Variants in GSDME observed in about 807,000 individuals in gnomAD.
GSDME encodes the protein gasdermin-E.
Under a neutral mutation model 47.5 loss-of-function variants are expected in GSDME, and 44 were observed. The ratio of observed to expected loss-of-function variants is 0.93; its 90% CI spans 0.73 to 1.19. The LOEUF is 1.19. Among genes scored for constraint, GSDME ranks in the 50% most tolerant of loss-of-function variants. GSDME has a pLI of 0.00. For synonymous variants in GSDME, 258 were observed against 252.8 expected (o/e 1.02, Z -0.20); for missense variants, 663 against 604.2 (o/e 1.10, Z -1.02).
At position 24,728,563 on chromosome 7, in the gene GSDME, C is replaced by A. The variant is rs1446549269; in HGVS notation, c.405-9345G>T. 6.6e-6 allele frequency among the ~76,000 whole-genome samples: 1 copy of A among 152,194 alleles called. No individual in the cohort carries two copies. Among genetic ancestry groups the A allele is most frequent in the Non-Finnish European group, 1.5e-5 (1 of 68,024 alleles). ...GCTCTGCGCCCATCTGCCTCTCCCT[C>A]CTGAACCTTCCTGGGCCCTGCATAC... On this transcript the variant is annotated intron_variant, in intron 3 of 9. Transcript: ENST00000645220. This position sits in a 1 kb window ranked among gnomAD's most constrained non-coding sequence, Gnocchi z 7.2.
chr7:24,724,486 G>A lies in GSDME; in HGVS notation c.405-5268C>T, dbSNP rs1162679055. On this transcript the variant is annotated intron_variant, in intron 3 of 9. Transcript: ENST00000645220. This position sits in a 1 kb window ranked among gnomAD's most constrained non-coding sequence, Gnocchi z 4.8. ...GCTCCTTGTTCTTCCTGGCGGGGGC[G>A]GCAACGTGAAAGCAAGAACAGGAGG... 6.6e-6 allele frequency among the ~76,000 whole-genome samples: 1 copy of A among 152,106 alleles called. No individual in the cohort carries two copies. Among genetic ancestry groups the A allele is most frequent in the Non-Finnish European group, 1.5e-5 (1 of 67,998 alleles).
chr7:24,702,914 TTA>T, intron 8 of GSDME, 81 bp from the exon 9 acceptor site: 1 of 1,255,876 alleles, frequency 8.0e-7, no homozygotes, highest in Non-Finnish European at 1.1e-6. Flanking sequence ...GGCACCTAAC[TTA>T]TATTTTAGTA....
chr7:24,735,210 A>G lies in GSDME; in HGVS notation c.404+9352T>C, dbSNP rs1790266216. ...TATATTCAGCAAAACTATCCTTCAA[A>G]CATGAAGGAGAAACATAGACTTTCT... On this transcript the variant is annotated intron_variant, in intron 3 of 9. Transcript: ENST00000645220. This position sits in a 1 kb window ranked among gnomAD's most constrained non-coding sequence, Gnocchi z 4.4. Among the ~76,000 whole-genome samples the G allele has an allele frequency of 6.6e-6, 1 of 152,236 alleles. No individual in the cohort carries two copies. The highest frequency in any genetic ancestry group is 1.5e-5 in the Non-Finnish European group (1 of 68,030).
chr7:24,721,073 G>C lies in GSDME; in HGVS notation c.405-1855C>G, dbSNP rs1205332038. ...ATTCATAATGACAGAAAGCAGATTG[G>C]AGGTTACCGGGGCTGCAGGGCTTCG... is the stretch of plus-strand genomic sequence containing the variant. On this transcript the variant is annotated intron_variant, in intron 3 of 9. Transcript: ENST00000645220. The surrounding 1 kb of genome is among the most constrained non-coding windows in gnomAD (Gnocchi z 4.1). Among the ~76,000 whole-genome samples the C allele has an allele frequency of 6.6e-6, 1 of 152,040 alleles. No homozygotes were observed. The highest frequency in any genetic ancestry group is 2.4e-5 in the African/African-American group (1 of 41,282).
At position 24,708,183 on chromosome 7, in the gene GSDME, C is replaced by T. The variant is rs148716975; in HGVS notation, c.934G>A (p.Asp312Asn). Reference protein sequence around the residue: ...LPEPQQTALSDIFQAVLFDDE... With the variant: ...LPEPQQTALSNIFQAVLFDDE... Reference sequence around the variant, plus strand: ...TCAAATAGGACCGCCTGGAAGATGTCACTCAAAGCTGTCTGTTGTGGCTCA... The same window carrying T: ...TCAAATAGGACCGCCTGGAAGATGTTACTCAAAGCTGTCTGTTGTGGCTCA... The change falls in exon 7 of 10, where the codon GAC becomes AAC. Residue 312 changes from aspartate (D) to asparagine (N), a missense_variant. Transcript: ENST00000645220. 1.1e-4 allele frequency: 185 copies of T among 1,614,028 alleles called. 1 individual carries two copies. Among genetic ancestry groups the T allele is most frequent in the Non-Finnish European group, 2.6e-5 (31 of 1,180,018 alleles).
At position 24,742,160 on chromosome 7, in the gene GSDME, G is replaced by C. The variant is rs1790512871; in HGVS notation, c.404+2402C>G. Among the ~76,000 whole-genome samples the C allele has an allele frequency of 6.6e-6, 1 of 152,126 alleles. No individual in the cohort carries two copies. Among genetic ancestry groups the C allele is most frequent in the Non-Finnish European group, 1.5e-5 (1 of 68,042 alleles). ...CTGCTCAGGATAGTTTCTATTCCAT[G>C]ATTCACCCACCAAGTATCCTCCCTA... is the stretch of plus-strand genomic sequence containing the variant. On this transcript the variant is annotated intron_variant, in intron 3 of 9. Transcript: ENST00000645220. The surrounding 1 kb of genome is among the most constrained non-coding windows in gnomAD (Gnocchi z 4.4).
chr7:24,763,003 G>A, the GSDME span, among the ~76,000 whole-genome samples: 6 of 152,118 alleles, frequency 3.9e-5, no homozygotes, highest in Non-Finnish European at 7.4e-5. This position sits in a 1 kb window ranked among gnomAD's most constrained non-coding sequence, Gnocchi z 4.3. Flanking sequence ...ATTTTTATGG[G>A]AGCGGCACTT....
rs146197383 is a variant in GSDME, at chr7:24,736,411, A to G, written c.404+8151T>C. On this transcript the variant is annotated intron_variant, in intron 3 of 9. Transcript: ENST00000645220. This position sits in a 1 kb window ranked among gnomAD's most constrained non-coding sequence, Gnocchi z 4.6. ...CAAAATCGATTTCAAGACAAAAACT[A>G]TAAGAAGAGACAAAGAAGGTTACTA... Among the ~76,000 whole-genome samples, 15,902 of 152,296 alleles carry G rather than the reference A, an allele frequency of 0.1. 892 individuals are homozygous for G. Among genetic ancestry groups the G allele is most frequent in the Admixed American group, 0.12 (1,886 of 15,296 alleles).
intron 9 of GSDME, among the ~76,000 whole-genome samples, chr7:24,700,758 G>A (rs1788832167): frequency 6.6e-6 from 1 of 152,184 alleles, no homozygotes; most frequent in South Asian, 2.1e-4. Flanking sequence ...GAGTAGATTA[G>A]ACCTGCTCTT....
At chr7:24,751,115 G>A (rs1228839003) in intron 1 of GSDME, among the ~76,000 whole-genome samples, 1 of 152,148 alleles carries the variant, frequency 6.6e-6, no homozygotes, top group Non-Finnish European at 1.5e-5. Flanking sequence ...TAATATTTAT[G>A]AGAGGGAACA....
chr7:24,769,818 A>T, the GSDME span, among the ~76,000 whole-genome samples: 1 of 152,360 alleles, frequency 6.6e-6, no homozygotes, highest in Middle Eastern at 3.4e-3. Flanking sequence ...AGACACAGAT[A>T]TGGCAGGGAT....
chr7:24,735,699 G>A lies in GSDME; in HGVS notation c.404+8863C>T, dbSNP rs138731899. 0.1 allele frequency among the ~76,000 whole-genome samples: 15,324 copies of A among 151,710 alleles called. 841 individuals are homozygous for A. The highest frequency in any genetic ancestry group is 0.12 in the Admixed American group (1,839 of 15,242). On this transcript the variant is annotated intron_variant, in intron 3 of 9. Coordinates refer to ENST00000645220, the MANE Select transcript of GSDME (RefSeq NM_001127453.2). The surrounding 1 kb of genome is among the most constrained non-coding windows in gnomAD (Gnocchi z 4.4). The stretch of plus-strand genomic sequence containing the variant: ...CTGGAACCTGGGAGGTAGAGGTTGC[G>A]ATGAGCCGAGATTGCACCACTGCAC...
chr7:24,787,714 T>C, the GSDME span, among the ~76,000 whole-genome samples: 2 of 152,104 alleles, frequency 1.3e-5, no homozygotes, highest in South Asian at 2.1e-4. This position sits in a 1 kb window ranked among gnomAD's most constrained non-coding sequence, Gnocchi z 5.0. Flanking sequence ...TTTTTATTTA[T>C]TTATGTTTTT....
Position 24,721,641 on chromosome 7 carries a change from C to A in GSDME, c.405-2423G>T, listed in dbSNP as rs894500040. Among the ~76,000 whole-genome samples, 2 of 152,222 alleles carry A rather than the reference C, an allele frequency of 1.3e-5. No individual in the cohort carries two copies. Among genetic ancestry groups the A allele is most frequent in the South Asian group, 2.1e-4 (1 of 4,836 alleles). The stretch of plus-strand genomic sequence containing the variant: ...ATGCCACACAAACACTAGCTGGCTC[C>A]GCCCACCTTCCCGTGTCCCTCTATG... On this transcript the variant is annotated intron_variant, in intron 3 of 9. Transcript: ENST00000645220. This position sits in a 1 kb window ranked among gnomAD's most constrained non-coding sequence, Gnocchi z 4.1.
chr7:24,712,722 C>T lies in GSDME; in HGVS notation c.698-2334G>A, dbSNP rs981744383. Among the ~76,000 whole-genome samples, 1 of 152,118 alleles carries T rather than the reference C, an allele frequency of 6.6e-6. No individual in the cohort carries two copies. Among genetic ancestry groups the T allele is most frequent in the African/African-American group, 2.4e-5 (1 of 41,406 alleles). On this transcript the variant is annotated intron_variant, in intron 5 of 9. Transcript: ENST00000645220. The surrounding 1 kb of genome is among the most constrained non-coding windows in gnomAD (Gnocchi z 4.4). ...TGGCTGAGGCCCCTATCACAACAGA[C>T]AGATTAACAAGAGAGGCCAGGCACG...
intron 5 of GSDME, among the ~76,000 whole-genome samples, chr7:24,715,140 T>C (rs199726355): frequency 6.6e-6 from 1 of 152,152 alleles, no homozygotes; most frequent in Non-Finnish European, 1.5e-5. Context: ...GTCTTCCTTA[T>C]ACATGGAACT....
At chr7:24,713,648 T>C (rs1057038747) in intron 5 of GSDME, among the ~76,000 whole-genome samples, 2 of 152,216 alleles carry the variant, frequency 1.3e-5, no homozygotes. Flanking sequence ...ACGAGACCCA[T>C]GCTGGGCTGG....
chr7:24,747,353 G>A (rs1432547199), intron 2 of GSDME, among the ~76,000 whole-genome samples: 1 of 152,196 alleles, frequency 6.6e-6, no homozygotes, highest in Non-Finnish European at 1.5e-5. Flanking sequence ...CTGGAAGAAA[G>A]TTTGAAGATT....
Position 24,728,007 on chromosome 7 carries a change from G to A in GSDME, c.405-8789C>T, listed in dbSNP as rs143283269. 3.7e-4 allele frequency among the ~76,000 whole-genome samples: 57 copies of A among 152,314 alleles called. No homozygotes were observed. Among genetic ancestry groups the A allele is most frequent in the African/African-American group, 1.3e-3 (55 of 41,568 alleles). The stretch of plus-strand genomic sequence containing the variant: ...AGCTGCCGTCCCCAGCACTGTTCGG[G>A]AGCTAGGGGGGCTGTAACGGGAGGA... On this transcript the variant is annotated intron_variant, in intron 3 of 9. Coordinates refer to ENST00000645220, the MANE Select transcript of GSDME (RefSeq NM_001127453.2). This position sits in a 1 kb window ranked among gnomAD's most constrained non-coding sequence, Gnocchi z 7.2.
Sources: gnomAD v4.1 joint callset for allele counts (sites outside exome capture counted in the v4.1 genomes callset) on GRCh38, gnomAD v4.1.1 for gene constraint, Gnocchi (gnomAD v3.1) non-coding constraint, MANE v1.5 for transcripts, NCBI Gene and HGNC (gene_info 2026-07-23, HGNC 2026-07-21) for gene names.